Variants in PCDHGB3 observed in about 807,000 individuals in gnomAD.
PCDHGB3 encodes protocadherin gamma subfamily B, 3.
In PCDHGB3, 40 loss-of-function variants were observed where a neutral mutation model predicts 59.2. The ratio of observed to expected loss-of-function variants is 0.68; its 90% CI spans 0.52 to 0.88. The LOEUF is 0.88. Ranked by LOEUF, PCDHGB3 falls within the 40% of genes least tolerant of loss-of-function variation. The probability of loss-of-function intolerance (pLI) is 0.00; values close to 1 mark genes in which losing one functional copy is unlikely to be tolerated. For synonymous variants in PCDHGB3, 581 were observed against 503.6 expected (o/e 1.15, Z -2.06); for missense variants, 1,309 against 1,187.9 (o/e 1.10, Z -1.50).
intron 1 of PCDHGB3, chr5:141,413,223 G>C (rs1454395834): frequency 6.2e-7 from 1 of 1,613,694 alleles, no homozygotes; most frequent in African/African-American, 1.3e-5. Flanking sequence ...ATTGCAGCGG[G>C]CTGGTCCTGC....
chr5:141,370,309 A>G lies in PCDHGB3; in HGVS notation c.-86A>G. 1 of 1,240,254 alleles carries G rather than the reference A, an allele frequency of 8.1e-7. No individual in the cohort carries two copies. The highest frequency in any genetic ancestry group is 1.6e-5 in the South Asian group (1 of 61,996). The allele number at this position is 1,240,254 out of a possible 1,614,324, so 76.8% of individuals were successfully genotyped here. On this transcript the variant is annotated 5_prime_UTR_variant, in exon 1 of 4. Coordinates refer to ENST00000576222, the MANE Select transcript of PCDHGB3 (RefSeq NM_018924.5). ...GAACCCAAGCACAAAGACAAAGCAA[A>G]TAGTTGGTCCTGCTCGGAGAACTCT...
intron 2 of PCDHGB3, among the ~76,000 whole-genome samples, chr5:141,500,176 A>G (rs922155744): frequency 1.4e-5 from 2 of 145,916 alleles, no homozygotes; most frequent in Admixed American, 1.4e-4. Flanking sequence ...CATGAGCTTC[A>G]TTTTTATTTT....
chr5:141,375,535 C>T (rs548065153), intron 1 of PCDHGB3: 89 of 1,614,018 alleles, frequency 5.5e-5, no homozygotes, highest in Non-Finnish European at 6.9e-5. Flanking sequence ...TGGACCAGAA[C>T]GCCCAAGTCT....
rs748873655 is a variant in PCDHGB3 at position 141,410,002 on chromosome 5, C to A, written c.2415+37193C>A. The A allele has an allele frequency of 1.1e-5, 18 of 1,613,250 alleles. No individual in the cohort carries two copies. Among genetic ancestry groups the A allele is most frequent in the Middle Eastern group, 1.7e-4 (1 of 6,056 alleles). On this transcript the variant is annotated intron_variant, in intron 1 of 3. Coordinates refer to ENST00000576222, the MANE Select transcript of PCDHGB3 (RefSeq NM_018924.5). ...TAGCGGTGGACGCCGACTCGGGACA[C>A]AACGCCTGGCTGTCCTACCACGTGC...
chr5:141,432,960 G>C lies in PCDHGB3; in HGVS notation c.2415+60151G>C. ...CAGGCTTCAGGAGGCGGCTTGACAG[G>C]AGCGCCGGCGTCGCACTTTGTGGGC... On this transcript the variant is annotated intron_variant, in intron 1 of 3. Transcript: ENST00000576222. This position sits in a 1 kb window ranked among gnomAD's most constrained non-coding sequence, Gnocchi z 6.0. The C allele has an allele frequency of 2.5e-6, 4 of 1,614,188 alleles. No homozygotes were observed. The highest frequency in any genetic ancestry group is 3.4e-6 in the Non-Finnish European group (4 of 1,180,034).
chr5:141,420,313 C>A, intron 1 of PCDHGB3: 1 of 1,434,874 alleles, frequency 7.0e-7, no homozygotes, highest in Non-Finnish European at 9.4e-7. Flanking sequence ...TTTTATATTA[C>A]AATATGCCAA....
At chr5:141,393,301 G>A (rs1398078406) in intron 1 of PCDHGB3, 2 of 1,613,768 alleles carry the variant, frequency 1.2e-6, no homozygotes, top group Non-Finnish European at 1.7e-6. Context: ...CCGGATGTGG[G>A]CGTGAACTCC....
intron 1 of PCDHGB3, among the ~76,000 whole-genome samples, chr5:141,451,134 T>C (rs567790185): frequency 9.9e-5 from 15 of 152,254 alleles, no homozygotes; most frequent in African/African-American, 3.6e-4. Context: ...AGCCTTATGA[T>C]TGTATTTAGA....
intron 1 of PCDHGB3, among the ~76,000 whole-genome samples, chr5:141,471,778 A>T (rs2099264151): frequency 6.6e-6 from 1 of 152,244 alleles, no homozygotes; most frequent in Non-Finnish European, 1.5e-5. Flanking sequence ...TGAGTTTGAC[A>T]TTATGCTATG....
At chr5:141,419,756 G>A in intron 1 of PCDHGB3, 7 of 1,614,008 alleles carry the variant, frequency 4.3e-6, no homozygotes, top group East Asian at 2.2e-5. Flanking sequence ...GCGTGCTTTG[G>A]GTGACAAGGA....
At chr5:141,434,784 A>T (rs967716221) in intron 1 of PCDHGB3, among the ~76,000 whole-genome samples, 11 of 150,278 alleles carry the variant, frequency 7.3e-5, no homozygotes, top group East Asian at 5.8e-4. Flanking sequence ...AAAAAAAAAA[A>T]TTTTTTTTTC....
chr5:141,468,809 T>A (rs1473677700), intron 1 of PCDHGB3, among the ~76,000 whole-genome samples: 1 of 151,850 alleles, frequency 6.6e-6, no homozygotes, highest in Admixed American at 6.6e-5. Flanking sequence ...GAACTTGCAG[T>A]GAGCCAAGAT....
chr5:141,486,608 G>A lies in PCDHGB3; in HGVS notation c.2416-8199G>A. On this transcript the variant is annotated intron_variant, in intron 1 of 3. Transcript: ENST00000576222. The surrounding 1 kb of genome is among the most constrained non-coding windows in gnomAD (Gnocchi z 5.0). ...AGGGGACCTGCTTTGCTCCCTTGCAGCCTCTGACCCAGACTCTGGCTTGAA... is the reference window on the plus strand; with the variant it reads ...AGGGGACCTGCTTTGCTCCCTTGCAACCTCTGACCCAGACTCTGGCTTGAA... 3 of 1,613,546 alleles carry A rather than the reference G, an allele frequency of 1.9e-6. No homozygotes were observed. The highest frequency in any genetic ancestry group is 2.5e-6 in the Non-Finnish European group (3 of 1,180,024).
intron 1 of PCDHGB3, chr5:141,418,934 G>T (rs1163951447): frequency 6.2e-7 from 1 of 1,614,056 alleles, no homozygotes; most frequent in African/African-American, 1.3e-5. Context: ...GATTATGGAG[G>T]ATTCCCCTCC....
chr5:141,485,279 C>T lies in PCDHGB3; in HGVS notation c.2416-9528C>T. 1 of 1,614,108 alleles carries T rather than the reference C, an allele frequency of 6.2e-7. No individual in the cohort carries two copies. Among genetic ancestry groups the T allele is most frequent in the Non-Finnish European group, 8.5e-7 (1 of 1,179,966 alleles). ...TTGTGGGCAGATCCGCTACCCGGTC[C>T]CAGAGGAGTCACAGGAAGGGACTTT... On this transcript the variant is annotated intron_variant, in intron 1 of 3. Transcript: ENST00000576222. The surrounding 1 kb of genome is among the most constrained non-coding windows in gnomAD (Gnocchi z 5.7).
At position 141,383,863 on chromosome 5, in the gene PCDHGB3, C is replaced by G. The variant is rs768251798; in HGVS notation, c.2415+11054C>G. ...CTTCTATGAAATGGAGGTTCAGGCT[C>G]AAGATGGTCCTGGTAGTCTGACAAA... On this transcript the variant is annotated intron_variant, in intron 1 of 3. Coordinates refer to ENST00000576222, the MANE Select transcript of PCDHGB3 (RefSeq NM_018924.5). 4.3e-6 allele frequency: 7 copies of G among 1,613,772 alleles called. No homozygotes were observed. Among genetic ancestry groups the G allele is most frequent in the African/African-American group, 2.7e-5 (2 of 74,914 alleles).
At chr5:141,448,305 A>C (rs910461420) in intron 1 of PCDHGB3, among the ~76,000 whole-genome samples, 1 of 152,092 alleles carries the variant, frequency 6.6e-6, no homozygotes, top group East Asian at 1.9e-4. Context: ...TTAATATCTC[A>C]AGGAATCTTT....
At chr5:141,373,221 T>C (rs1295527389) in intron 1 of PCDHGB3, among the ~76,000 whole-genome samples, 1 of 152,268 alleles carries the variant, frequency 6.6e-6, no homozygotes, top group Non-Finnish European at 1.5e-5. Flanking sequence ...TAATGTAACC[T>C]GTATATAATA....
At chr5:141,372,970 T>C (rs866196404) in intron 1 of PCDHGB3, 161 bp downstream of exon 1, 1 of 680,560 alleles carries the variant, frequency 1.5e-6, no homozygotes, top group East Asian at 2.8e-5. Flanking sequence ...GAATTTCCTG[T>C]AGAATATCTG....
Sources: gnomAD v4.1 joint callset for allele counts (sites outside exome capture counted in the v4.1 genomes callset) on GRCh38, gnomAD v4.1.1 for gene constraint, Gnocchi (gnomAD v3.1) non-coding constraint, MANE v1.5 for transcripts, NCBI Gene and HGNC (gene_info 2026-07-23, HGNC 2026-07-21) for gene names.